Variants in CDK8 observed in about 807,000 individuals in gnomAD.
The protein encoded by CDK8 is cyclin-dependent kinase 8.
CDK8 carries 29 observed loss-of-function variants against 71.5 expected under a neutral mutation model. The ratio of observed to expected loss-of-function variants is 0.41; its 90% confidence interval spans 0.30 to 0.55. CDK8 has a LOEUF of 0.55. Among genes scored for constraint, CDK8 ranks in the 20% least tolerant of loss-of-function variants. The pLI, the probability that CDK8 is intolerant of heterozygous loss-of-function variation, is 0.37. For missense variants in CDK8, 288 were observed against 572.6 expected, an observed-to-expected ratio of 0.50 and a Z score of 5.07; for synonymous variants, 161 against 192.1, an observed-to-expected ratio of 0.84 and a Z score of 1.34.
intron 1 of CDK8, among the ~76,000 whole-genome samples, chr13:26,287,834 A>G (rs754343455): frequency 2.0e-4 from 30 of 152,258 alleles, no homozygotes; most frequent in Non-Finnish European, 3.2e-4. Flanking sequence ...CAATTTTAAG[A>G]CTATAAAGTG....
intron 1 of CDK8, among the ~76,000 whole-genome samples, chr13:26,274,722 C>T (rs866132323): frequency 1.3e-5 from 2 of 152,082 alleles, no homozygotes; most frequent in Non-Finnish European, 2.9e-5. Flanking sequence ...TGAGCCACCG[C>T]GTCTGGCCTA....
intron 2 of CDK8, among the ~76,000 whole-genome samples, chr13:26,346,638 G>C (rs901542093): frequency 6.6e-6 from 1 of 152,158 alleles, no homozygotes; most frequent in African/African-American, 2.4e-5. Context: ...CAGGTTATTT[G>C]TGTTGTTTAT....
chr13:26,301,092 G>A, intron 1 of CDK8, among the ~76,000 whole-genome samples: 1 of 151,916 alleles, frequency 6.6e-6, no homozygotes, highest in East Asian at 1.9e-4. Context: ...GTTGGTTTTA[G>A]TCCTTTTCAC....
chr13:26,400,261 GA>G (rs1876192514), intron 9 of CDK8, 191 bp from the exon 10 acceptor site: 1 of 532,940 alleles, frequency 1.9e-6, no homozygotes. Context: ...GTGAGATTAT[GA>G]AACTGGAATG....
intron 12 of CDK8, among the ~76,000 whole-genome samples, chr13:26,402,802 G>A (rs746042491): frequency 6.6e-6 from 1 of 152,300 alleles, no homozygotes; most frequent in Admixed American, 6.5e-5. Context: ...TCTGACCTTC[G>A]CTTCTGGAAC....
intron 12 of CDK8, among the ~76,000 whole-genome samples, chr13:26,402,057 C>CT (rs1876287070): frequency 1.3e-5 from 2 of 152,200 alleles, no homozygotes; most frequent in Admixed American, 1.3e-4. Context: ...CCAGTCTGGC[C>CT]ACTTACTTCT....
chr13:26,304,462 C>T (rs1482995593), intron 1 of CDK8, among the ~76,000 whole-genome samples: 1 of 151,526 alleles, frequency 6.6e-6, no homozygotes, highest in African/African-American at 2.4e-5. Flanking sequence ...ATTATTCTAT[C>T]TTCCTCCTCC....
At chr13:26,353,345 G>A (rs1205303453) in intron 3 of CDK8, among the ~76,000 whole-genome samples, 2 of 151,030 alleles carry the variant, frequency 1.3e-5, no homozygotes, top group East Asian at 1.9e-4. Flanking sequence ...GTCATAAATA[G>A]GTTCTAATTC....
At chr13:26,265,309 A>G (rs1213071309) in intron 1 of CDK8, among the ~76,000 whole-genome samples, 1 of 152,192 alleles carries the variant, frequency 6.6e-6, no homozygotes, top group Admixed American at 6.5e-5. Flanking sequence ...CAGGTAAACA[A>G]TTGTAATATA....
intron 1 of CDK8, among the ~76,000 whole-genome samples, chr13:26,318,436 T>C (rs1874613046): frequency 6.6e-6 from 1 of 152,188 alleles, no homozygotes; most frequent in African/African-American, 2.4e-5. Flanking sequence ...ACTCATTCTG[T>C]ATGAGGCCAG....
chr13:26,274,345 A>T (rs1436076395), intron 1 of CDK8, among the ~76,000 whole-genome samples: 1 of 152,044 alleles, frequency 6.6e-6, no homozygotes, highest in African/African-American at 2.4e-5. Context: ...TTTAACATTT[A>T]AATTTTTAAT....
intron 1 of CDK8, among the ~76,000 whole-genome samples, chr13:26,334,075 A>G (rs1291777732): frequency 6.6e-6 from 1 of 152,156 alleles, no homozygotes; most frequent in East Asian, 1.9e-4. Context: ...ATTTTTCTCC[A>G]TTGCACATTT....
At chr13:26,306,922 C>T (rs1227230732) in intron 1 of CDK8, among the ~76,000 whole-genome samples, 1 of 152,154 alleles carries the variant, frequency 6.6e-6, no homozygotes, top group Non-Finnish European at 1.5e-5. Flanking sequence ...GCCACAATGC[C>T]CAGCCTCCCT....
Position 26,322,851 on chromosome 13 carries a change from A to G in CDK8, c.129-14716A>G, listed in dbSNP as rs187764417. On this transcript the variant is annotated intron_variant, in intron 1 of 12. Coordinates refer to ENST00000381527, the MANE Select transcript of CDK8 (RefSeq NM_001260.3). ...TTGTGTTTAACACTGTCAAATATCT[A>G]TGTAATTCAACTGAAATTTTGTCGA... Among the ~76,000 whole-genome samples the G allele has an allele frequency of 2.6e-4, 40 of 152,256 alleles. No homozygotes were observed. The East Asian group carries it at 5.0e-3, about 19-fold the overall frequency.
chr13:26,321,571 AAAAAGTG>A (rs1332860604), intron 1 of CDK8, among the ~76,000 whole-genome samples: 3 of 152,192 alleles, frequency 2.0e-5, no homozygotes, highest in African/African-American at 7.2e-5. Context: ...AAAAATGGAA[AAAAAGTG>A]ACAATGTGTG....
At chr13:26,362,125 T>C (rs1737982338) in intron 4 of CDK8, among the ~76,000 whole-genome samples, 1 of 152,098 alleles carries the variant, frequency 6.6e-6, no homozygotes, top group Admixed American at 6.5e-5. Flanking sequence ...ACTGGCCTAG[T>C]AGCCATTAAT....
chr13:26,254,228 G>A lies in CDK8; in HGVS notation c.-414G>A. On this transcript the variant is annotated 5_prime_UTR_variant, in exon 1 of 13. In the 5' UTR this introduces an upstream ATG that the reference lacks. Coordinates refer to ENST00000381527, the MANE Select transcript of CDK8 (RefSeq NM_001260.3). This position sits in a 1 kb window ranked among gnomAD's most constrained non-coding sequence, Gnocchi z 6.7. ...GAGCGTGTGTGTGAGAGCGTGAGGC[G>A]TGAGTGCGCGTGTGAGAGGACGAGA... 1 of 267,802 alleles carries A rather than the reference G, an allele frequency of 3.7e-6. No homozygotes were observed. Among genetic ancestry groups the A allele is most frequent in the Non-Finnish European group, 7.2e-6 (1 of 139,564 alleles). 16.6% of individuals were successfully genotyped at this position (267,802 alleles called of 1,614,324 possible).
At chr13:26,299,099 T>G (rs1873696039) in intron 1 of CDK8, among the ~76,000 whole-genome samples, 1 of 152,244 alleles carries the variant, frequency 6.6e-6, no homozygotes, top group African/African-American at 2.4e-5. Context: ...TCTGACATAA[T>G]GATCAGTCAG....
intron 6 of CDK8, among the ~76,000 whole-genome samples, chr13:26,391,768 C>G: frequency 6.6e-6 from 1 of 152,174 alleles, no homozygotes; most frequent in East Asian, 1.9e-4. Context: ...AGGCTTGGTT[C>G]TCTGATATGT....
Sources: gnomAD v4.1 joint callset for allele counts (sites outside exome capture counted in the v4.1 genomes callset) on GRCh38, gnomAD v4.1.1 for gene constraint, Gnocchi (gnomAD v3.1) non-coding constraint, MANE v1.5 for transcripts, NCBI Gene and HGNC (gene_info 2026-07-23, HGNC 2026-07-21) for gene names.